Variants in PAX7 observed in about 807,000 individuals in gnomAD.
The protein encoded by PAX7 is paired box protein Pax-7.
PAX7 carries 18 observed loss-of-function variants against 50.7 expected under a neutral mutation model. The observed-to-expected ratio is 0.36, with a 90% CI of 0.25 to 0.53. The LOEUF is 0.53. Among genes scored for constraint, PAX7 ranks in the 20% least tolerant of loss-of-function variants. The pLI, the probability that PAX7 is intolerant of heterozygous loss-of-function variation, is 0.93. For synonymous variants in PAX7, 310 were observed against 290.4 expected (o/e 1.07, Z -0.69); for missense variants, 644 against 702.9 (o/e 0.92, Z 0.95).
At chr1:18,656,941 G>A (rs554707098) in intron 4 of PAX7, among the ~76,000 whole-genome samples, 37 of 152,204 alleles carry the variant, frequency 2.4e-4, no homozygotes, top group Middle Eastern at 3.4e-3. Flanking sequence ...GCAGTGAGCC[G>A]TGATCACACC....
chr1:18,693,988 C>A (rs887287149), intron 5 of PAX7, among the ~76,000 whole-genome samples: 4 of 152,188 alleles, frequency 2.6e-5, no homozygotes, highest in Admixed American at 2.6e-4. Flanking sequence ...GGGCGGGGCC[C>A]GCCTCCTGCG....
intron 5 of PAX7, among the ~76,000 whole-genome samples, chr1:18,696,190 C>T (rs915239354): frequency 1.4e-4 from 21 of 151,988 alleles, no homozygotes; most frequent in African/African-American, 4.8e-4. Flanking sequence ...CTCAGCCTCC[C>T]GAGTAGCTGG....
chr1:18,670,639 G>A (rs114459815), intron 4 of PAX7, among the ~76,000 whole-genome samples: 3,697 of 152,220 alleles, frequency 0.024, 134 homozygotes, highest in African/African-American at 0.08. Flanking sequence ...GCATCCGTCC[G>A]TCAGTCTATC....
intron 7 of PAX7, among the ~76,000 whole-genome samples, chr1:18,728,429 T>C (rs1287496218): frequency 6.6e-6 from 1 of 152,124 alleles, no homozygotes; most frequent in Non-Finnish European, 1.5e-5. Flanking sequence ...TGGGTGTTTT[T>C]TGTGTGCATC....
chr1:18,631,921 C>T (rs2088062084), intron 1 of PAX7, among the ~76,000 whole-genome samples: 1 of 152,162 alleles, frequency 6.6e-6, no homozygotes, highest in Admixed American at 6.5e-5. Flanking sequence ...CGCTAGCTGC[C>T]GGTCTTTACC....
chr1:18,683,056 G>T (rs2088921799), intron 4 of PAX7, among the ~76,000 whole-genome samples: 1 of 152,162 alleles, frequency 6.6e-6, no homozygotes, highest in Non-Finnish European at 1.5e-5. Flanking sequence ...GTCAGCTACA[G>T]CCAGAAACCA....
chr1:18,700,897 C>CT lies in PAX7; in HGVS notation c.952+87dup, dbSNP rs977085193. 8.1e-5 allele frequency: 100 copies of CT among 1,241,084 alleles called. No homozygotes were observed. Among genetic ancestry groups the CT allele is most frequent in the South Asian group, 2.0e-4 (10 of 49,920 alleles). 76.9% of individuals were successfully genotyped at this position (1,241,084 alleles called of 1,614,324 possible). A position where few individuals can be genotyped will look rare whatever the true frequency, so the allele number is the denominator to read the frequency against. ...TTTACTTTCACTTACAAAGGCTCTT[C>CT]TTTTTTTTATGACCATTTCTTACTT... On this transcript the variant is annotated intron_variant, in intron 6 of 8. Coordinates refer to ENST00000420770, the MANE Select transcript of PAX7 (RefSeq NM_001135254.2). The surrounding 1 kb of genome is among the most constrained non-coding windows in gnomAD (Gnocchi z 4.8).
At chr1:18,720,374 C>T (rs115064137) in intron 7 of PAX7, among the ~76,000 whole-genome samples, 7 of 152,094 alleles carry the variant, frequency 4.6e-5, no homozygotes, top group African/African-American at 7.2e-5. Flanking sequence ...GAGGTGGCTG[C>T]GTTTCTGTAC....
At chr1:18,650,269 G>A (rs189680406) in intron 4 of PAX7, among the ~76,000 whole-genome samples, 1 of 152,366 alleles carries the variant, frequency 6.6e-6, no homozygotes, top group African/African-American at 2.4e-5. Context: ...CCTCTGATTA[G>A]GGAACTTTCT....
chr1:18,665,321 G>C (rs774785784), intron 4 of PAX7, among the ~76,000 whole-genome samples: 1 of 152,110 alleles, frequency 6.6e-6, no homozygotes, highest in Non-Finnish European at 1.5e-5. Context: ...CTTGTGCCTG[G>C]AACTAGAGAG....
rs541489686 is a variant in PAX7, at chr1:18,713,084, G to T, written c.1155+9788G>T. Among the ~76,000 whole-genome samples the T allele has an allele frequency of 7.8e-4, 118 of 151,508 alleles. 1 individual carries two copies. The highest frequency in any genetic ancestry group is 3.4e-3 in the Middle Eastern group (1 of 294). ...GCAACAGATCAAGACTCCATCTCAA[G>T]AAAAAAAAGGGGAGGGGCACTCTGG... On this transcript the variant is annotated intron_variant, in intron 7 of 8. Transcript: ENST00000420770.
chr1:18,675,173 A>G (rs2088807279), intron 4 of PAX7, among the ~76,000 whole-genome samples: 1 of 152,258 alleles, frequency 6.6e-6, no homozygotes, highest in East Asian at 1.9e-4. Flanking sequence ...GATGTAGTGC[A>G]CGATGACTTC....
At position 18,715,514 on chromosome 1, in the gene PAX7, T is replaced by C. The variant is rs143276144; in HGVS notation, c.1155+12218T>C. Among the ~76,000 whole-genome samples the C allele has an allele frequency of 6.6e-3, 1,001 of 152,318 alleles. 9 individuals carry two copies. Among genetic ancestry groups the C allele is most frequent in the African/African-American group, 0.023 (941 of 41,560 alleles). ...AATGATTATTTCTGTCCTACAGATATAGGGACAGAGGCATGGAGCAGTTTA... is the reference window on the plus strand; with the variant it reads ...AATGATTATTTCTGTCCTACAGATACAGGGACAGAGGCATGGAGCAGTTTA... On this transcript the variant is annotated intron_variant, in intron 7 of 8. Coordinates refer to ENST00000420770, the MANE Select transcript of PAX7 (RefSeq NM_001135254.2).
intron 8 of PAX7, among the ~76,000 whole-genome samples, chr1:18,743,345 C>T (rs146299017): frequency 2.0e-5 from 3 of 152,346 alleles, no homozygotes; most frequent in Non-Finnish European, 4.4e-5. Flanking sequence ...CCTCCCGTGG[C>T]TCAACGATTG....
intron 4 of PAX7, among the ~76,000 whole-genome samples, chr1:18,680,199 G>T (rs984068028): frequency 3.3e-5 from 5 of 152,194 alleles, no homozygotes; most frequent in Admixed American, 3.3e-4. Context: ...CACCCCTGGA[G>T]CTGCATCAGT....
chr1:18,637,048 G>A (rs1321919425), intron 4 of PAX7, among the ~76,000 whole-genome samples: 2 of 152,170 alleles, frequency 1.3e-5, no homozygotes, highest in African/African-American at 2.4e-5. Flanking sequence ...CGCAGTGGGG[G>A]AGAGACCCAG....
intron 4 of PAX7, among the ~76,000 whole-genome samples, chr1:18,653,626 T>G (rs936858905): frequency 6.6e-6 from 1 of 152,118 alleles, no homozygotes; most frequent in Non-Finnish European, 1.5e-5. Flanking sequence ...AAGTGATACC[T>G]GTACCATGTG....
At chr1:18,739,514 T>C (rs1292976076) in intron 8 of PAX7, among the ~76,000 whole-genome samples, 2 of 152,220 alleles carry the variant, frequency 1.3e-5, no homozygotes, top group African/African-American at 4.8e-5. Context: ...TATGCCACCC[T>C]ATGCAGTACA....
chr1:18,633,063 C>T (rs181673368), intron 1 of PAX7, among the ~76,000 whole-genome samples: 291 of 152,252 alleles, frequency 1.9e-3, no homozygotes, highest in Middle Eastern at 3.4e-3. Flanking sequence ...TATCCCGCCA[C>T]GGAGACCGAG....
Sources: allele counts gnomAD v4.1 joint callset (sites outside exome capture counted in the v4.1 genomes callset), GRCh38; gene constraint gnomAD v4.1.1; non-coding constraint Gnocchi (gnomAD v3.1); transcripts MANE v1.5; gene names NCBI Gene and HGNC (gene_info 2026-07-23, HGNC 2026-07-21).